The following VTI1A variants were observed in gnomAD, a reference collection of about 807,000 sequenced individuals.
The protein encoded by VTI1A is vesicle transport through interaction with t-SNAREs homolog 1A.
Under a neutral mutation model 34.9 loss-of-function variants are expected in VTI1A, and 22 were observed. The observed-to-expected ratio is 0.63, with a 90% CI of 0.45 to 0.90. The LOEUF (loss-of-function observed/expected upper bound fraction) is 0.90. VTI1A is among the 40% of genes least tolerant of loss of function. The pLI, the probability that VTI1A is intolerant of heterozygous loss-of-function variation, is 0.00. For synonymous variants in VTI1A, 87 were observed against 97.3 expected, an observed-to-expected ratio of 0.89 and a Z score of 0.62; for missense variants, 268 against 275.6, an observed-to-expected ratio of 0.97 and a Z score of 0.20.
At chr10:112,797,588 G>T (rs1234509391) in intron 7 of VTI1A, among the ~76,000 whole-genome samples, 1 of 152,094 alleles carries the variant, frequency 6.6e-6, no homozygotes, top group Non-Finnish European at 1.5e-5. Context: ...TATTATTTTG[G>T]TAAATGTGAA....
intron 3 of VTI1A, among the ~76,000 whole-genome samples, chr10:112,480,379 A>G (rs1848421810): frequency 6.6e-6 from 1 of 152,230 alleles, no homozygotes; most frequent in Admixed American, 6.5e-5. Flanking sequence ...TACATAGTGC[A>G]AGTGGCCAAA....
At chr10:112,831,472 C>T in the VTI1A span, 3 of 152,146 alleles carry the variant, frequency 2.0e-5, no homozygotes, top group South Asian at 4.1e-4. Context: ...ATTCACCAGG[C>T]GTGTCCTTTT....
chr10:112,457,795 A>T (rs1487331526), intron 1 of VTI1A, among the ~76,000 whole-genome samples: 3 of 152,218 alleles, frequency 2.0e-5, no homozygotes, highest in African/African-American at 7.2e-5. Context: ...TACAATGCCT[A>T]ACAGAGGACC....
rs1032741230 is a variant in VTI1A at position 112,756,395 on chromosome 10, C to T, written c.561-58895C>T. On this transcript the variant is annotated intron_variant, in intron 7 of 7. Transcript: ENST00000393077. ...GCCATTCAGTTCCACGCAGCATTTA[C>T]ACTTAGGCAGGCTGGCTCCGACTAC... 3.5e-4 allele frequency among the ~76,000 whole-genome samples: 53 copies of T among 152,162 alleles called. 1 individual carries two copies. The highest frequency in any genetic ancestry group is 3.5e-3 in the Admixed American group (53 of 15,274).
At chr10:112,518,599 A>C (rs946701607) in intron 3 of VTI1A, among the ~76,000 whole-genome samples, 91 of 143,390 alleles carry the variant, frequency 6.3e-4, no homozygotes, top group Non-Finnish European at 1.1e-3. Flanking sequence ...CTATATATAT[A>C]TATATATATA....
In VTI1A at chr10:112,493,213, T is replaced by G. The variant is rs544860131; in HGVS notation, c.264+28556T>G. On this transcript the variant is annotated intron_variant, in intron 3 of 7. Transcript: ENST00000393077. ...TTGTGAAATTTATTTCTAAATATTT[T>G]CTCTTTAATTGTGTCGTGAATTATG... 2.6e-5 allele frequency among the ~76,000 whole-genome samples: 4 copies of G among 152,294 alleles called. No individual in the cohort carries two copies. The South Asian group carries it at 8.3e-4, about 32-fold the overall frequency.
At chr10:112,591,543 G>A (rs1392481402) in intron 5 of VTI1A, among the ~76,000 whole-genome samples, 5 of 87,712 alleles carry the variant, frequency 5.7e-5, no homozygotes, top group African/African-American at 8.7e-5. Context: ...CACACAAAAC[G>A]AAGAAGAGAT....
At chr10:112,456,187 G>A (rs1453115708) in intron 1 of VTI1A, among the ~76,000 whole-genome samples, 1 of 152,150 alleles carries the variant, frequency 6.6e-6, no homozygotes, top group Middle Eastern at 3.2e-3. Context: ...TTGGGAGGCC[G>A]AGGCAGGTGG....
chr10:112,624,359 T>C (rs548550944), intron 5 of VTI1A, among the ~76,000 whole-genome samples: 15 of 152,176 alleles, frequency 9.9e-5, no homozygotes, highest in African/African-American at 3.4e-4. Flanking sequence ...TTTTGAAATC[T>C]TTGTGGTAGT....
intron 5 of VTI1A, chr10:112,538,691 A>G (rs945894763): frequency 1.1e-4 from 18 of 171,340 alleles, no homozygotes; most frequent in African/African-American, 4.0e-4. Flanking sequence ...TCACATATGT[A>G]AAAATTAACA....
the VTI1A span, among the ~76,000 whole-genome samples, chr10:112,830,849 A>ATATATATATATATATTTTTTTTTT: frequency 3.0e-5 from 1 of 33,512 alleles, no homozygotes; most frequent in African/African-American, 1.4e-4. Flanking sequence ...ATATATATAT[A>ATATATATATATATATTTTTTTTTT]TTTTTTTTTT....
At chr10:112,778,993 C>T (rs1220399419) in intron 7 of VTI1A, among the ~76,000 whole-genome samples, 5 of 152,108 alleles carry the variant, frequency 3.3e-5, no homozygotes, top group Non-Finnish European at 7.3e-5. Context: ...GAATAATAAT[C>T]GAAGTGGATT....
intron 7 of VTI1A, among the ~76,000 whole-genome samples, chr10:112,768,769 G>C (rs1358329859): frequency 2.0e-5 from 3 of 152,196 alleles, no homozygotes; most frequent in African/African-American, 7.2e-5. Context: ...GTTAGTATTA[G>C]ATCATTATTA....
rs532143098 is a variant in VTI1A, at chr10:112,496,312, G to C, written c.265-30775G>C. ...GGGCCAGGTGCAGTGGCTCATGCCT[G>C]TAATCCCAGCACTTTGGGAGGCTGA... On this transcript the variant is annotated intron_variant, in intron 3 of 7. Transcript: ENST00000393077. Among the ~76,000 whole-genome samples the C allele has an allele frequency of 1.6e-3, 247 of 151,998 alleles. 1 individual carries two copies. The highest frequency in any genetic ancestry group is 6.8e-3 in the South Asian group (33 of 4,828).
chr10:112,816,460 G>C lies in VTI1A; in HGVS notation c.*1077G>C, dbSNP rs1853525261. On this transcript the variant is annotated 3_prime_UTR_variant, in exon 8 of 8. Coordinates refer to ENST00000393077, the MANE Select transcript of VTI1A (RefSeq NM_145206.4). ...AGATTGTTCCAAAAGGAATGGCTTG[G>C]GTTTTTAACTAACAAATGTTAGCAA... is the stretch of plus-strand genomic sequence containing the variant. 4.5e-6 allele frequency: 1 copy of C among 224,248 alleles called. No homozygotes were observed. Among genetic ancestry groups the C allele is most frequent in the South Asian group, 1.8e-4 (1 of 5,438 alleles). 13.9% of individuals were successfully genotyped at this position (224,248 alleles called of 1,614,324 possible).
At chr10:112,455,011 T>C in intron 1 of VTI1A, among the ~76,000 whole-genome samples, 1 of 151,954 alleles carries the variant, frequency 6.6e-6, no homozygotes, top group Non-Finnish European at 1.5e-5. Context: ...AAGGTCTGAA[T>C]CCTAGGTACA....
At chr10:112,822,318 C>G (rs541666105), downstream of VTI1A, among the ~76,000 whole-genome samples, 2 of 152,186 alleles carry the variant, frequency 1.3e-5, no homozygotes, top group African/African-American at 4.8e-5. Flanking sequence ...ACATGGGAGC[C>G]TGAGAATGGG....
At chr10:112,471,984 T>C (rs1439980826) in intron 3 of VTI1A, among the ~76,000 whole-genome samples, 3 of 152,206 alleles carry the variant, frequency 2.0e-5, no homozygotes, top group African/African-American at 7.2e-5. Context: ...TGTGCTGGTA[T>C]AAGGTTCTAA....
intron 3 of VTI1A, among the ~76,000 whole-genome samples, chr10:112,507,888 C>G (rs1192991924): frequency 6.6e-6 from 1 of 152,054 alleles, no homozygotes; most frequent in Non-Finnish European, 1.5e-5. Context: ...TGGAGGTTTC[C>G]CCCACTCCAC....
Sources: allele counts gnomAD v4.1 joint callset (sites outside exome capture counted in the v4.1 genomes callset), GRCh38; gene constraint gnomAD v4.1.1; transcripts MANE v1.5; gene names NCBI Gene and HGNC (gene_info 2026-07-23, HGNC 2026-07-21).